The following IRF2 variants were observed in gnomAD, a reference collection of about 807,000 sequenced individuals.
IRF2 encodes interferon regulatory factor 2.
In IRF2, 15 loss-of-function variants were observed where a neutral mutation model predicts 40.6. The observed-to-expected ratio is 0.37, with a 90% CI of 0.25 to 0.57. The LOEUF is 0.57. Among genes scored for constraint, IRF2 ranks in the 20% least tolerant of loss-of-function variants. The pLI, the probability that IRF2 is intolerant of heterozygous loss-of-function variation, is 0.77. For synonymous variants in IRF2, 151 were observed against 165.5 expected (o/e 0.91, Z 0.67); for missense variants, 317 against 455.7 (o/e 0.70, Z 2.77).
intron 7 of IRF2, among the ~76,000 whole-genome samples, chr4:184,394,255 C>T (rs1736365390): frequency 6.6e-6 from 1 of 152,160 alleles, no homozygotes; most frequent in Admixed American, 6.5e-5. Flanking sequence ...ATCTCAAAAG[C>T]TCTTCCAGTT....
intron 7 of IRF2, among the ~76,000 whole-genome samples, chr4:184,396,953 A>AAAC (rs200397606): frequency 9.9e-5 from 15 of 152,162 alleles, no homozygotes; most frequent in South Asian, 4.2e-4. Context: ...CAACAACAAC[A>AAAC]AACAACAACA....
At chr4:184,450,067 G>A (rs1738661407) in intron 1 of IRF2, among the ~76,000 whole-genome samples, 1 of 152,200 alleles carries the variant, frequency 6.6e-6, no homozygotes, top group South Asian at 2.1e-4. Flanking sequence ...GTGTGTGGAT[G>A]TTAGCAAGAT....
intron 1 of IRF2, among the ~76,000 whole-genome samples, chr4:184,463,859 C>T (rs922943762): frequency 1.3e-5 from 2 of 152,318 alleles, no homozygotes; most frequent in African/African-American, 4.8e-5. Flanking sequence ...TTAAGCTCTA[C>T]TGTCATTCTC....
rs1044933825 is a variant in IRF2 at position 184,387,862 on chromosome 4, G to C, written c.*896C>G. ...CCACAAGGATGTAATAACAACTGCTGATAAACAAGAAAAGGAATCTTAAAA... is the reference window on the plus strand; with the variant it reads ...CCACAAGGATGTAATAACAACTGCTCATAAACAAGAAAAGGAATCTTAAAA... On this transcript the variant is annotated 3_prime_UTR_variant, in exon 9 of 9. Transcript: ENST00000393593. The C allele has an allele frequency of 2.6e-5, 4 of 151,486 alleles. No individual in the cohort carries two copies. Among genetic ancestry groups the C allele is most frequent in the Admixed American group, 1.3e-4 (2 of 15,206 alleles). 9.4% of individuals were successfully genotyped at this position (151,486 alleles called of 1,614,324 possible).
chr4:184,462,556 C>A (rs1739182606), intron 1 of IRF2, among the ~76,000 whole-genome samples: 1 of 152,110 alleles, frequency 6.6e-6, no homozygotes, highest in South Asian at 2.1e-4. Context: ...TAACAAAGAA[C>A]CCATGGAAAA....
intron 7 of IRF2, among the ~76,000 whole-genome samples, chr4:184,396,386 C>A (rs6847907): frequency 1.3e-5 from 2 of 151,760 alleles, no homozygotes; most frequent in Non-Finnish European, 2.9e-5. Context: ...CCCTCAGACA[C>A]GCTGCTCTAC....
intron 1 of IRF2, among the ~76,000 whole-genome samples, chr4:184,465,033 T>C (rs890561048): frequency 2.0e-5 from 3 of 152,160 alleles, no homozygotes; most frequent in African/African-American, 4.8e-5. Context: ...GTTGTAAATA[T>C]CAACAAGGAA....
intron 1 of IRF2, 62 bp from the exon 2 acceptor site, chr4:184,429,132 G>T: frequency 8.0e-7 from 1 of 1,247,824 alleles, no homozygotes; most frequent in African/African-American, 1.5e-5. Context: ...CTGCACTGCA[G>T]AGTTCTACAC....
intron 1 of IRF2, among the ~76,000 whole-genome samples, chr4:184,443,367 C>T (rs1361997228): frequency 6.6e-6 from 1 of 152,162 alleles, no homozygotes; most frequent in Non-Finnish European, 1.5e-5. Flanking sequence ...GCCCTACTTC[C>T]TCTCTCTCCC....
chr4:184,449,295 TCAAGAGCATCCCCTCTCC>T (rs1195216134), intron 1 of IRF2, among the ~76,000 whole-genome samples: 3 of 152,172 alleles, frequency 2.0e-5, no homozygotes, highest in Admixed American at 6.5e-5. Flanking sequence ...CCCCTCAGCC[TCAAGAGCATCCCCTCTCC>T]CAAGCTAACT....
rs566031767 is a variant in IRF2, at chr4:184,418,857, C to T, written c.188-149G>A. 2.4e-4 allele frequency: 166 copies of T among 678,236 alleles called. 2 individuals are homozygous for T. The South Asian group carries it at 3.2e-3, about 13-fold the overall frequency. The allele number at this position is 678,236 out of a possible 1,614,324, so 42.0% of individuals were successfully genotyped here. ...TCCAGTGACCAATCGTCCTGGTGTA[C>T]CTGGGGGTGAGAAAGTTCTTGGGAT... On this transcript the variant is annotated intron_variant, in intron 3 of 8. Coordinates refer to ENST00000393593, the MANE Select transcript of IRF2 (RefSeq NM_002199.4).
Position 184,388,935 on chromosome 4 carries a change from G to C in IRF2, c.873C>G (p.Thr291=). 6.2e-7 allele frequency: 1 copy of C among 1,614,140 alleles called. No homozygotes were observed. The highest frequency in any genetic ancestry group is 8.5e-7 in the Non-Finnish European group (1 of 1,180,030). ...VTSNKPDLQV[T]IKEESNPVPY... ...GCACCGGATTGCTCTCCTCTTTGAT[G>C]GTGACCTGGAGGTCCGGTTTGTTGG... The change falls in exon 9 of 9, where the codon ACC becomes ACG. Residue 291 remains threonine (T), a synonymous_variant. Transcript: ENST00000393593. The surrounding 1 kb of genome is among the most constrained non-coding windows in gnomAD (Gnocchi z 4.6).
chr4:184,416,477 C>T (rs2149899329), intron 5 of IRF2, among the ~76,000 whole-genome samples: 1 of 150,796 alleles, frequency 6.6e-6, no homozygotes, highest in East Asian at 1.9e-4. Context: ...ATTCAAAAAT[C>T]ACATGTGGAT....
intron 6 of IRF2, among the ~76,000 whole-genome samples, chr4:184,406,789 T>C (rs1290357288): frequency 1.3e-5 from 2 of 152,254 alleles, no homozygotes; most frequent in East Asian, 3.9e-4. Flanking sequence ...CAGGAGCCCA[T>C]GTTGATACTT....
At chr4:184,417,364 C>A (rs11728827) in intron 5 of IRF2, among the ~76,000 whole-genome samples, 2 of 152,056 alleles carry the variant, frequency 1.3e-5, no homozygotes, top group Admixed American at 6.5e-5. Flanking sequence ...TGCAAAAACA[C>A]CCTCCGCCTA....
rs1175440588 is a variant in IRF2 at position 184,418,612 on chromosome 4, T to C, written c.284A>G (p.Lys95Arg). The change falls in exon 4 of 9, where the codon AAG becomes AGG. Residue 95 changes from lysine (K) to arginine (R), a missense_variant. This residue lies in a region of IRF2 where 262 missense variants were observed against 334.0 expected (regional missense o/e 0.78). Coordinates refer to ENST00000393593, the MANE Select transcript of IRF2 (RefSeq NM_002199.4). ...MNSLPDIEEV[K>R]DKSIKKGNNA... ...ATTTCCTTTCTTTATGCTTTTATCC[T>C]TGACTTCTTCAATATCAGGCAAGGA... 1 of 1,614,216 alleles carries C rather than the reference T, an allele frequency of 6.2e-7. No individual in the cohort carries two copies. The highest frequency in any genetic ancestry group is 1.6e-4 in the Middle Eastern group (1 of 6,062).
chr4:184,403,750 TTGAATCTCACC>T (rs1459251371), intron 6 of IRF2, among the ~76,000 whole-genome samples: 2 of 152,248 alleles, frequency 1.3e-5, no homozygotes, highest in Non-Finnish European at 2.9e-5. Flanking sequence ...ATAAAAACTT[TTGAATCTCACC>T]TTAGTGAGTC....
intron 1 of IRF2, among the ~76,000 whole-genome samples, chr4:184,443,332 C>T (rs538992443): frequency 1.4e-4 from 22 of 152,238 alleles, no homozygotes; most frequent in Middle Eastern, 3.4e-3. Flanking sequence ...GAACATAGTA[C>T]CCAATAGGTA....
chr4:184,424,359 C>T (rs1371752789), intron 2 of IRF2, among the ~76,000 whole-genome samples: 6 of 152,176 alleles, frequency 3.9e-5, no homozygotes, highest in Non-Finnish European at 8.8e-5. Flanking sequence ...TGAATATTTG[C>T]CCCCTATGAC....
Sources: allele counts gnomAD v4.1 joint callset (sites outside exome capture counted in the v4.1 genomes callset), GRCh38; gene constraint gnomAD v4.1.1; regional missense constraint gnomAD v4.1.1; non-coding constraint Gnocchi (gnomAD v3.1); transcripts MANE v1.5; gene names NCBI Gene and HGNC (gene_info 2026-07-23, HGNC 2026-07-21).